GBE1: variants seen among roughly 807,000 people sequenced by gnomAD.
The protein encoded by GBE1 is 1,4-alpha-glucan-branching enzyme.
In GBE1, 70 loss-of-function variants were observed where a neutral mutation model predicts 88.8. The observed-to-expected ratio is 0.79, with a 90% CI of 0.65 to 0.96. The LOEUF is 0.96. GBE1 is among the 40% of genes least tolerant of loss of function. The probability of loss-of-function intolerance (pLI) is 0.00; values close to 1 mark genes in which losing one functional copy is unlikely to be tolerated. For synonymous variants in GBE1, 284 were observed against 300.1 expected, an observed-to-expected ratio of 0.95 and a Z score of 0.56; for missense variants, 872 against 871.0, an observed-to-expected ratio of 1.00 and a Z score of -0.01.
chr3:81,645,187 C>A (rs902498531), intron 6 of GBE1, among the ~76,000 whole-genome samples: 1 of 152,068 alleles, frequency 6.6e-6, no homozygotes, highest in African/African-American at 2.4e-5. Flanking sequence ...TTGATGAGAT[C>A]CTCCCGAATA....
chr3:81,639,903 A>T (rs1416087876), intron 7 of GBE1, among the ~76,000 whole-genome samples: 1 of 152,150 alleles, frequency 6.6e-6, no homozygotes, highest in Non-Finnish European at 1.5e-5. Context: ...AGGGGACACA[A>T]GGTGAAGAAA....
chr3:81,554,960 C>T (rs1271320278), intron 12 of GBE1, among the ~76,000 whole-genome samples: 2 of 152,212 alleles, frequency 1.3e-5, no homozygotes, highest in Non-Finnish European at 2.9e-5. Flanking sequence ...TTCCTGCCAA[C>T]AGCTAGTTAG....
chr3:81,598,237 AT>A (rs1156807806), intron 7 of GBE1, among the ~76,000 whole-genome samples: 4 of 151,996 alleles, frequency 2.6e-5, no homozygotes, highest in African/African-American at 4.8e-5. Context: ...TATCAAAAAA[AT>A]ATAAAGGAAA....
rs776720114 is a variant in GBE1, at chr3:81,582,700, G to A, written c.1336-1425C>T. On this transcript the variant is annotated intron_variant, in intron 10 of 15. Transcript: ENST00000429644. ...GGATACCCATGGGTAAAAAGAGAAC[G>A]ATAAAGAACCTTGAGCTAAGTCTTA... is the stretch of plus-strand genomic sequence containing the variant. 3.3e-5 allele frequency among the ~76,000 whole-genome samples: 5 copies of A among 151,986 alleles called. No individual in the cohort carries two copies. The East Asian group carries it at 7.7e-4, about 23-fold the overall frequency.
At chr3:81,596,905 T>G (rs989655052) in intron 7 of GBE1, among the ~76,000 whole-genome samples, 1 of 151,974 alleles carries the variant, frequency 6.6e-6, no homozygotes, top group Admixed American at 6.6e-5. Flanking sequence ...ACGTCACCAG[T>G]GAAAATACTG....
chr3:81,553,961 C>T (rs941817785), intron 12 of GBE1, among the ~76,000 whole-genome samples: 4 of 152,006 alleles, frequency 2.6e-5, no homozygotes, highest in South Asian at 2.1e-4. Context: ...AAATATAAGA[C>T]GAGGATAAGA....
chr3:81,611,216 T>C (rs1704178445), intron 7 of GBE1, among the ~76,000 whole-genome samples: 2 of 152,148 alleles, frequency 1.3e-5, no homozygotes, highest in African/African-American at 4.8e-5. Context: ...CAAACAAGGA[T>C]GTGGCGGATG....
intron 14 of GBE1, among the ~76,000 whole-genome samples, chr3:81,516,390 C>G (rs928063363): frequency 6.6e-6 from 1 of 151,506 alleles, no homozygotes; most frequent in Non-Finnish European, 1.5e-5. Flanking sequence ...CCTGTAAGCC[C>G]AAGCTTGAGA....
intron 12 of GBE1, among the ~76,000 whole-genome samples, chr3:81,571,046 A>T (rs534805783): frequency 2.2e-4 from 33 of 152,288 alleles, no homozygotes; most frequent in African/African-American, 7.9e-4. Context: ...CAGGAAAAGC[A>T]ACATATTACT....
At chr3:81,507,422 G>T (rs1006684881) in intron 14 of GBE1, among the ~76,000 whole-genome samples, 1 of 151,950 alleles carries the variant, frequency 6.6e-6, no homozygotes, top group Non-Finnish European at 1.5e-5. Context: ...AAATTAGCCA[G>T]GTGTGGTGGC....
intron 3 of GBE1, among the ~76,000 whole-genome samples, chr3:81,655,795 C>T (rs965424953): frequency 6.6e-6 from 1 of 152,188 alleles, no homozygotes; most frequent in Non-Finnish European, 1.5e-5. Context: ...GCTGGGATTA[C>T]AGGGCTGAGC....
At chr3:81,693,712 C>A (rs1382917067) in intron 2 of GBE1, among the ~76,000 whole-genome samples, 1 of 151,988 alleles carries the variant, frequency 6.6e-6, no homozygotes, top group Non-Finnish European at 1.5e-5. Flanking sequence ...CTTCTAATAT[C>A]AAGAACCCTG....
chr3:81,694,248 G>A lies in GBE1; in HGVS notation c.313+11196C>T, dbSNP rs1045752757. On this transcript the variant is annotated intron_variant, in intron 2 of 15. Coordinates refer to ENST00000429644, the MANE Select transcript of GBE1 (RefSeq NM_000158.4). ...AAGAGAGAAGGAAAAGGAGGAGGAA[G>A]GGAGGGAAAAAGGGAGGAGAGAAGA... Among the ~76,000 whole-genome samples, 4 of 151,668 alleles carry A rather than the reference G, an allele frequency of 2.6e-5. No individual in the cohort carries two copies. In the South Asian group the frequency reaches 8.3e-4, roughly 31 times the overall value.
At chr3:81,741,813 T>C (rs1706352792) in intron 1 of GBE1, among the ~76,000 whole-genome samples, 1 of 148,070 alleles carries the variant, frequency 6.8e-6, no homozygotes, top group Admixed American at 6.8e-5. Flanking sequence ...CTACATAATA[T>C]AGAGTATTAT....
At chr3:81,515,322 A>C (rs191591414) in intron 14 of GBE1, among the ~76,000 whole-genome samples, 231 of 151,494 alleles carry the variant, frequency 1.5e-3, no homozygotes, top group Non-Finnish European at 2.6e-3. Flanking sequence ...TCATAATTAT[A>C]TTATTTTTAC....
chr3:81,608,692 T>A (rs1190958415), intron 7 of GBE1, among the ~76,000 whole-genome samples: 1 of 152,156 alleles, frequency 6.6e-6, no homozygotes, highest in African/African-American at 2.4e-5. Flanking sequence ...CTGCTGGCAG[T>A]CTGCATGCTG....
chr3:81,552,722 T>C (rs187118892), intron 12 of GBE1, among the ~76,000 whole-genome samples: 143 of 152,240 alleles, frequency 9.4e-4, no homozygotes, highest in Non-Finnish European at 1.7e-3. Flanking sequence ...AGGGTAATTA[T>C]ACATCTCTTA....
rs552046569 is a variant in GBE1 at position 81,492,405 on chromosome 3, C to A, written c.2053-1942G>T. The stretch of plus-strand genomic sequence containing the variant: ...GACTATTACCAAAGATCCAGACAGA[C>A]CCAGTCCAAAGGAGGGCACATTTCC... On this transcript the variant is annotated intron_variant, in intron 15 of 15. Coordinates refer to ENST00000429644, the MANE Select transcript of GBE1 (RefSeq NM_000158.4). 4.6e-5 allele frequency among the ~76,000 whole-genome samples: 7 copies of A among 152,154 alleles called. No homozygotes were observed. In the South Asian group the frequency reaches 6.2e-4, roughly 14 times the overall value.
At chr3:81,556,220 C>A (rs35628094) in intron 12 of GBE1, among the ~76,000 whole-genome samples, 34,173 of 151,840 alleles carry the variant, frequency 0.23, 4,105 homozygotes, top group East Asian at 0.43. Flanking sequence ...AAATATCTTA[C>A]ATATTTAATG....
Sources: gnomAD v4.1 joint callset for allele counts (sites outside exome capture counted in the v4.1 genomes callset) on GRCh38, gnomAD v4.1.1 for gene constraint, MANE v1.5 for transcripts, NCBI Gene and HGNC (gene_info 2026-07-23, HGNC 2026-07-21) for gene names.